Variants in TNFRSF13B observed in about 807,000 individuals in gnomAD.
TNFRSF13B encodes tumor necrosis factor receptor superfamily member 13B.
TNFRSF13B carries 34 observed loss-of-function variants against 24.0 expected under a neutral mutation model. The observed-to-expected ratio is 1.41, with a 90% CI of 1.08 to 1.88. The LOEUF (loss-of-function observed/expected upper bound fraction) is 1.88, where lower values mean the gene tolerates loss of function less well. TNFRSF13B is among the 40% of genes most tolerant of loss of function. The pLI, the probability that TNFRSF13B is intolerant of heterozygous loss-of-function variation, is 0.00. For synonymous variants in TNFRSF13B, 173 were observed against 150.3 expected, an observed-to-expected ratio of 1.15 and a Z score of -1.10; for missense variants, 415 against 380.8, an observed-to-expected ratio of 1.09 and a Z score of -0.75.
In TNFRSF13B at chr17:16,939,403, C is replaced by G; in HGVS notation, c.*144G>C. On this transcript the variant is annotated 3_prime_UTR_variant, in exon 5 of 5. Coordinates refer to ENST00000261652, the MANE Select transcript of TNFRSF13B (RefSeq NM_012452.3). ...TGTCTCTCTCTCCCTCTGTCTCTCTCTCCCTCTCTGTCTCCTCTGTTTCTC... is the reference window on the plus strand; with the variant it reads ...TGTCTCTCTCTCCCTCTGTCTCTCTGTCCCTCTCTGTCTCCTCTGTTTCTC... The G allele has an allele frequency of 1.0e-6, 1 of 997,160 alleles. No homozygotes were observed. The highest frequency in any genetic ancestry group is 1.4e-6 in the Non-Finnish European group (1 of 701,196). 61.8% of individuals were successfully genotyped at this position (997,160 alleles called of 1,614,324 possible). A position where few individuals can be genotyped will look rare whatever the true frequency, so the allele number is the denominator to read the frequency against.
In TNFRSF13B at chr17:16,939,509, C is replaced by A; in HGVS notation, c.*38G>T. The A allele has an allele frequency of 6.3e-7, 1 of 1,598,730 alleles. No homozygotes were observed. The highest frequency in any genetic ancestry group is 2.2e-5 in the East Asian group (1 of 44,554). ...CTCTCTTTCTCTCTCCCCTCCTCTC[C>A]ATCTCTCTCCCTCCTCCTTTCCCTC... is the stretch of plus-strand genomic sequence containing the variant. On this transcript the variant is annotated 3_prime_UTR_variant, in exon 5 of 5. Transcript: ENST00000261652.
intron 1 of TNFRSF13B, among the ~76,000 whole-genome samples, chr17:16,960,157 G>T (rs140314664): frequency 2.0e-4 from 30 of 152,226 alleles, no homozygotes; most frequent in African/African-American, 7.2e-4. Flanking sequence ...ATAAAACTTA[G>T]TGGTCTTCTC....
At chr17:16,940,008 G>T (rs779827104) in intron 4 of TNFRSF13B, 113 of 961,124 alleles carry the variant, frequency 1.2e-4, no homozygotes, top group Non-Finnish European at 1.5e-4. Flanking sequence ...TCTCACTTCT[G>T]TCCAGCACCG....
At chr17:16,960,437 G>A (rs2087654377) in intron 1 of TNFRSF13B, among the ~76,000 whole-genome samples, 1 of 152,166 alleles carries the variant, frequency 6.6e-6, no homozygotes, top group Admixed American at 6.5e-5. Context: ...GTGGAAAGGA[G>A]AGCATAAGAT....
chr17:16,971,382 A>AC (rs1315480139), intron 1 of TNFRSF13B, among the ~76,000 whole-genome samples: 1 of 111,472 alleles, frequency 9.0e-6, no homozygotes, highest in East Asian at 2.0e-4. Flanking sequence ...CAACAAAACA[A>AC]AAAAAAAGAA....
chr17:16,960,711 A>G (rs1436708827), intron 1 of TNFRSF13B, among the ~76,000 whole-genome samples: 3 of 152,214 alleles, frequency 2.0e-5, no homozygotes, highest in East Asian at 3.8e-4. Context: ...TGGATACAGC[A>G]CCAAAGGCAT....
intron 3 of TNFRSF13B, chr17:16,941,356 G>A (rs774545859): frequency 1.9e-5 from 19 of 987,652 alleles, no homozygotes; most frequent in Non-Finnish European, 2.3e-5. Context: ...TATGACTCAG[G>A]ACTTGTGCCT....
At chr17:16,959,120 A>G (rs2087644609) in intron 1 of TNFRSF13B, among the ~76,000 whole-genome samples, 1 of 152,086 alleles carries the variant, frequency 6.6e-6, no homozygotes, top group Non-Finnish European at 1.5e-5. Context: ...AAATTATTCA[A>G]AGTTTCTTTT....
intron 1 of TNFRSF13B, among the ~76,000 whole-genome samples, chr17:16,961,482 A>G (rs916548373): frequency 6.6e-6 from 1 of 152,266 alleles, no homozygotes; most frequent in Non-Finnish European, 1.5e-5. Context: ...GTGAAATAAG[A>G]CAGTCATAGA....
chr17:16,963,841 A>T (rs2087680530), intron 1 of TNFRSF13B, among the ~76,000 whole-genome samples: 1 of 152,130 alleles, frequency 6.6e-6, no homozygotes, highest in South Asian at 2.1e-4. Flanking sequence ...TGAGCCACAG[A>T]GCCCGGCCTT....
At chr17:16,941,511 T>C (rs1597657487) in intron 3 of TNFRSF13B, 1 of 987,646 alleles carries the variant, frequency 1.0e-6, no homozygotes, top group South Asian at 4.7e-5. Flanking sequence ...AGATTTAAGA[T>C]GACACGTCAA....
At chr17:16,949,958 T>A (rs2087577453) in intron 2 of TNFRSF13B, among the ~76,000 whole-genome samples, 1 of 152,176 alleles carries the variant, frequency 6.6e-6, no homozygotes, top group Non-Finnish European at 1.5e-5. Flanking sequence ...AGTGCTGGGA[T>A]TACAGGTGGC....
chr17:16,949,846 C>T (rs959253577), intron 2 of TNFRSF13B, among the ~76,000 whole-genome samples: 19 of 152,102 alleles, frequency 1.2e-4, no homozygotes, highest in South Asian at 2.1e-4. Context: ...CCACAACACC[C>T]GGCTAATTTT....
intron 1 of TNFRSF13B, among the ~76,000 whole-genome samples, chr17:16,960,780 G>A (rs751961827): frequency 3.3e-5 from 5 of 152,162 alleles, no homozygotes; most frequent in Non-Finnish European, 7.4e-5. Context: ...AAACTTTTGT[G>A]CACCAAAGGA....
At chr17:16,967,378 T>C (rs1194844279) in intron 1 of TNFRSF13B, among the ~76,000 whole-genome samples, 5 of 151,968 alleles carry the variant, frequency 3.3e-5, no homozygotes, top group Non-Finnish European at 5.9e-5. Context: ...CCTGTTTTTG[T>C]TTTGGAGGTT....
chr17:16,965,115 A>T (rs536220639), intron 1 of TNFRSF13B, among the ~76,000 whole-genome samples: 1 of 152,120 alleles, frequency 6.6e-6, no homozygotes, highest in African/African-American at 2.4e-5. Flanking sequence ...GATAATTAAC[A>T]TTTTCTTTTG....
intron 2 of TNFRSF13B, among the ~76,000 whole-genome samples, chr17:16,950,949 G>T (rs1567652917): frequency 6.6e-6 from 1 of 152,186 alleles, no homozygotes; most frequent in Non-Finnish European, 1.5e-5. Context: ...TAGCTGAAGG[G>T]GGTCTCTCCC....
chr17:16,939,600 T>C lies in TNFRSF13B; in HGVS notation c.829A>G (p.Ser277Gly). Residue 277 changes from serine (S) to glycine (G), a missense_variant, in exon 5 of 5, where the codon AGT becomes GGT. Physicochemically the swap from Ser to Gly is moderately conservative, Grantham distance 56. Coordinates refer to ENST00000261652, the MANE Select transcript of TNFRSF13B (RefSeq NM_012452.3). ...VLQPCPHIPDSGLGIVCVPAQ... is the reference protein window; with the variant it reads ...VLQPCPHIPDGGLGIVCVPAQ... ...GGCACACACACAATGCCAAGGCCAC[T>C]GTCTGGGATGTGTGGGCAAGGCTGC... 3 of 1,613,520 alleles carry C rather than the reference T, an allele frequency of 1.9e-6. No individual in the cohort carries two copies. The highest frequency in any genetic ancestry group is 2.5e-6 in the Non-Finnish European group (3 of 1,179,698).
chr17:16,939,373 C>T lies in TNFRSF13B; in HGVS notation c.*174G>A, dbSNP rs2087488792. ...CCTCTTTCCCTCTCTGCCTCTCTTC[C>T]CCTCTGTCTCTCTCTCCCTCTGTCT... On this transcript the variant is annotated 3_prime_UTR_variant, in exon 5 of 5. Transcript: ENST00000261652. The T allele has an allele frequency of 2.7e-6, 2 of 730,946 alleles. No homozygotes were observed. Among genetic ancestry groups the T allele is most frequent in the Non-Finnish European group, 4.2e-6 (2 of 480,150 alleles). The allele number at this position is 730,946 out of a possible 1,614,324, so 45.3% of individuals were successfully genotyped here. A position where few individuals can be genotyped will look rare whatever the true frequency, so the allele number is the denominator to read the frequency against.
Sources: gnomAD v4.1 joint callset for allele counts (sites outside exome capture counted in the v4.1 genomes callset) on GRCh38, gnomAD v4.1.1 for gene constraint, MANE v1.5 for transcripts, NCBI Gene and HGNC (gene_info 2026-07-23, HGNC 2026-07-21) for gene names.